The following PARD3 variants were observed in gnomAD, a reference collection of about 807,000 sequenced individuals.
PARD3 encodes par-3 family cell polarity regulator.
In PARD3, 75 loss-of-function variants were observed where a neutral mutation model predicts 155.4. That is an observed-to-expected ratio of 0.48 (90% CI 0.40 to 0.58). The LOEUF is 0.58. Ranked by LOEUF, PARD3 falls within the 20% of genes least tolerant of loss-of-function variation. The probability of loss-of-function intolerance (pLI) is 0.00; values close to 1 mark genes in which losing one functional copy is unlikely to be tolerated. For synonymous variants in PARD3, 576 were observed against 610.5 expected (o/e 0.94, Z 0.83); for missense variants, 1,642 against 1,721.7 (o/e 0.95, Z 0.82).
intron 5 of PARD3, among the ~76,000 whole-genome samples, chr10:34,441,738 T>G (rs2076472756): frequency 6.6e-6 from 1 of 152,180 alleles, no homozygotes; most frequent in South Asian, 2.1e-4. Flanking sequence ...TATGTAGGGA[T>G]CATGGAAAAT....
At chr10:34,462,571 G>A (rs576535068) in intron 4 of PARD3, among the ~76,000 whole-genome samples, 59 of 152,186 alleles carry the variant, frequency 3.9e-4, no homozygotes, top group African/African-American at 1.3e-3. Flanking sequence ...TGGTGCAGGC[G>A]CAGTGGCTCA....
Position 34,341,784 on chromosome 10 carries a change from G to T in PARD3, c.2251C>A (p.Pro751Thr), listed in dbSNP as rs753724062. The T allele has an allele frequency of 5.0e-6, 8 of 1,612,842 alleles. No homozygotes were observed. The South Asian group carries it at 7.7e-5, about 16-fold the overall frequency. ...KYQLSPTVNM[P>T]QDDTVIIEDD... Reference sequence around the variant, plus strand: ...TCTATAATGACAGTGTCATCTTGGGGCATATTCACTGTAGGGGACAGCTGG... The same window carrying T: ...TCTATAATGACAGTGTCATCTTGGGTCATATTCACTGTAGGGGACAGCTGG... Residue 751 changes from proline (P) to threonine (T), a missense_variant, in exon 16 of 25, where the codon CCC becomes ACC. This residue lies in a region of PARD3 where 1,529 missense variants were observed against 1,587.3 expected (regional missense o/e 0.96). Transcript: ENST00000374788.
intron 22 of PARD3, among the ~76,000 whole-genome samples, chr10:34,267,506 C>A (rs1955381547): frequency 1.3e-5 from 2 of 152,148 alleles, no homozygotes; most frequent in Admixed American, 1.3e-4. Flanking sequence ...TAAAACCCAA[C>A]AAAAGCAAAA....
intron 9 of PARD3, among the ~76,000 whole-genome samples, chr10:34,379,549 A>G (rs1841613878): frequency 6.6e-6 from 1 of 152,014 alleles, no homozygotes; most frequent in Non-Finnish European, 1.5e-5. Flanking sequence ...ATTCTTAATT[A>G]CTCTCCTTTT....
At chr10:34,712,206 C>G (rs1424308876) in intron 1 of PARD3, among the ~76,000 whole-genome samples, 4 of 152,196 alleles carry the variant, frequency 2.6e-5, no homozygotes, top group Admixed American at 2.6e-4. Flanking sequence ...GTATTGTTAC[C>G]TGATGAACTG....
At chr10:34,350,363 G>A (rs890585322) in intron 14 of PARD3, among the ~76,000 whole-genome samples, 2 of 152,092 alleles carry the variant, frequency 1.3e-5, no homozygotes, top group African/African-American at 2.4e-5. Flanking sequence ...ATTAAGCTTC[G>A]GTTGGGCACA....
At chr10:34,499,308 T>C (rs1192144516) in intron 3 of PARD3, among the ~76,000 whole-genome samples, 1 of 152,140 alleles carries the variant, frequency 6.6e-6, no homozygotes, top group African/African-American at 2.4e-5. Flanking sequence ...AAAAACCAAA[T>C]AGTTATTGTT....
At chr10:34,611,972 A>G (rs1314401113) in intron 2 of PARD3, among the ~76,000 whole-genome samples, 21 of 106,874 alleles carry the variant, frequency 2.0e-4, no homozygotes, top group Admixed American at 1.0e-3. Context: ...GACTACAGGC[A>G]CCCGCCACCA....
chr10:34,352,855 G>C (rs1037209915), intron 14 of PARD3, among the ~76,000 whole-genome samples: 12 of 152,080 alleles, frequency 7.9e-5, no homozygotes, highest in Non-Finnish European at 1.2e-4. Context: ...AGTCTGGGAA[G>C]TGAGGAGCGC....
Position 34,478,734 on chromosome 10 carries a change from G to A in PARD3, c.404-8471C>T, listed in dbSNP as rs193035090. On this transcript the variant is annotated intron_variant, in intron 3 of 24. Transcript: ENST00000374788. ...AATTTTGTATATTTAGTAGAGACAG[G>A]TTTTCTCCATGTTGGTCAGGCTGGT... Among the ~76,000 whole-genome samples, 205 of 152,208 alleles carry A rather than the reference G, an allele frequency of 1.3e-3. 1 individual carries two copies. The highest frequency in any genetic ancestry group is 4.8e-3 in the African/African-American group (198 of 41,518).
chr10:34,190,577 A>G (rs1032998091), intron 22 of PARD3, among the ~76,000 whole-genome samples: 3 of 152,194 alleles, frequency 2.0e-5, no homozygotes, highest in African/African-American at 4.8e-5. Context: ...CTGGGGCCAC[A>G]AAGTTTGAGA....
chr10:34,281,426 C>T (rs558408182), intron 21 of PARD3, among the ~76,000 whole-genome samples: 14 of 152,224 alleles, frequency 9.2e-5, no homozygotes, highest in Admixed American at 2.6e-4. Context: ...CCAGACTCCC[C>T]GCTTCTCAAG....
intron 24 of PARD3, among the ~76,000 whole-genome samples, chr10:34,118,314 C>T (rs936665186): frequency 6.6e-6 from 1 of 152,240 alleles, no homozygotes; most frequent in East Asian, 1.9e-4. Context: ...TGGTGAAGTC[C>T]GTTGTGGTTG....
intron 3 of PARD3, among the ~76,000 whole-genome samples, chr10:34,505,667 G>T (rs974540451): frequency 6.6e-6 from 1 of 152,114 alleles, no homozygotes; most frequent in Non-Finnish European, 1.5e-5. Context: ...ATGACATGGG[G>T]CAGGATATCT....
intron 16 of PARD3, 114 bp downstream of exon 16, chr10:34,341,513 C>G (rs953788113): frequency 8.4e-6 from 6 of 710,670 alleles, no homozygotes; most frequent in Admixed American, 3.1e-5. Flanking sequence ...TATATAAAAA[C>G]CATGAAGACA....
chr10:34,188,896 T>C (rs1274470), intron 22 of PARD3, among the ~76,000 whole-genome samples: 51,508 of 151,940 alleles, frequency 0.34, 10,209 homozygotes, highest in African/African-American at 0.53. Flanking sequence ...CAACACAGCA[T>C]GGACTCTGCA....
intron 5 of PARD3, among the ~76,000 whole-genome samples, chr10:34,430,713 C>T (rs1315497635): frequency 6.6e-6 from 1 of 152,212 alleles, no homozygotes; most frequent in Non-Finnish European, 1.5e-5. Flanking sequence ...AGACCATAAG[C>T]TGTCCGCTAT....
chr10:34,758,943 CA>C (rs1837079849), intron 1 of PARD3, among the ~76,000 whole-genome samples: 1 of 151,942 alleles, frequency 6.6e-6, no homozygotes, highest in Admixed American at 6.6e-5. Context: ...ACAGGTTATG[CA>C]AACAAAGACT....
intron 23 of PARD3, among the ~76,000 whole-genome samples, chr10:34,124,734 T>A (rs1947185150): frequency 6.6e-6 from 1 of 152,192 alleles, no homozygotes; most frequent in Non-Finnish European, 1.5e-5. Flanking sequence ...AATGTTTTGG[T>A]CTTAATTGTA....
Sources: gnomAD v4.1 joint callset for allele counts (sites outside exome capture counted in the v4.1 genomes callset) on GRCh38, gnomAD v4.1.1 for gene constraint, gnomAD v4.1.1 regional missense constraint, MANE v1.5 for transcripts, NCBI Gene and HGNC (gene_info 2026-07-23, HGNC 2026-07-21) for gene names.